PROK2: variants seen among roughly 807,000 people sequenced by gnomAD.
The protein encoded by PROK2 is prokineticin 2.
Under a neutral mutation model 14.2 loss-of-function variants are expected in PROK2, and 8 were observed. That is an observed-to-expected ratio of 0.56 (90% CI 0.33 to 1.02). The LOEUF is 1.02. Among genes scored for constraint, PROK2 ranks in the 50% least tolerant of loss-of-function variants. The pLI is 0.03. For synonymous variants in PROK2, 59 were observed against 60.7 expected (o/e 0.97, Z 0.13); for missense variants, 154 against 160.4 (o/e 0.96, Z 0.22).
In PROK2 at chr3:71,781,535, C is replaced by A. The variant is rs868055794; in HGVS notation, c.154G>T (p.Val52Phe). The A allele has an allele frequency of 1.9e-6, 3 of 1,613,226 alleles. No homozygotes were observed. Among genetic ancestry groups the A allele is most frequent in the Non-Finnish European group, 2.5e-6 (3 of 1,179,232 alleles). ...GGTGTGCAAATCCTTATGCTCTTGA[C>A]CCAGATACTGACAGCACAGCACATG... ...GGMCCAVSIW[V>F]KSIRICTPMG... Residue 52 changes from valine (V) to phenylalanine (F), a missense_variant, in exon 2 of 4, where the codon GTC becomes TTC. By Grantham distance (50) the Val-to-Phe change is conservative (BLOSUM62 -1). Coordinates refer to ENST00000295619, the MANE Select transcript of PROK2 (RefSeq NM_001126128.2).
chr3:71,784,872 C>T (rs2050199521), intron 1 of PROK2, 85 bp downstream of exon 1: 1 of 1,128,894 alleles, frequency 8.9e-7, no homozygotes, highest in Admixed American at 4.3e-5. Context: ...TGCCTCTAGC[C>T]TGCCCTTCAG....
chr3:71,778,174 G>T (rs1368552787), intron 2 of PROK2, among the ~76,000 whole-genome samples: 1 of 151,866 alleles, frequency 6.6e-6, no homozygotes, highest in Admixed American at 6.6e-5. Context: ...TCCAGCCTGG[G>T]TGACAAAGCG....
At chr3:71,780,683 A>G (rs937624801) in intron 2 of PROK2, among the ~76,000 whole-genome samples, 4 of 152,272 alleles carry the variant, frequency 2.6e-5, no homozygotes, top group South Asian at 2.1e-4. Context: ...ACTGTGTTTC[A>G]AAGGTTTTCA....
chr3:71,781,800 G>A (rs917514363), intron 1 of PROK2, among the ~76,000 whole-genome samples: 1 of 152,006 alleles, frequency 6.6e-6, no homozygotes, highest in African/African-American at 2.4e-5. Context: ...TTTCGAAAGT[G>A]GGCTAAATTC....
intron 2 of PROK2, among the ~76,000 whole-genome samples, chr3:71,778,644 T>A (rs1311198066): frequency 1.3e-5 from 2 of 152,228 alleles, no homozygotes; most frequent in Non-Finnish European, 2.9e-5. Context: ...CTTCAGAGCA[T>A]AATTGAATAC....
chr3:71,772,322 C>A lies in PROK2; in HGVS notation c.*402G>T. The A allele has an allele frequency of 5.4e-6, 1 of 185,710 alleles. No homozygotes were observed. Among genetic ancestry groups the A allele is most frequent in the East Asian group, 1.6e-4 (1 of 6,276 alleles). 11.5% of individuals were successfully genotyped at this position (185,710 alleles called of 1,614,324 possible). A position where few individuals can be genotyped will look rare whatever the true frequency, so the allele number is the denominator to read the frequency against. ...GGTGGAAGAGGCAAGGGACCAAAAGCTGTAGGTGTATTTGTGTGGCAGGGC... is the reference window on the plus strand; with the variant it reads ...GGTGGAAGAGGCAAGGGACCAAAAGATGTAGGTGTATTTGTGTGGCAGGGC... On this transcript the variant is annotated 3_prime_UTR_variant, in exon 4 of 4. Coordinates refer to ENST00000295619, the MANE Select transcript of PROK2 (RefSeq NM_001126128.2).
At chr3:71,775,081 T>A (rs1260657159) in intron 2 of PROK2, among the ~76,000 whole-genome samples, 1 of 152,104 alleles carries the variant, frequency 6.6e-6, no homozygotes, top group Non-Finnish European at 1.5e-5. Context: ...GCTAAACATT[T>A]TACAATGCAC....
chr3:71,774,573 G>A (rs1490784867), intron 2 of PROK2, 66 bp from the exon 3 acceptor site: 2 of 1,528,266 alleles, frequency 1.3e-6, no homozygotes, highest in African/African-American at 2.8e-5. Flanking sequence ...GCAATGGGAG[G>A]GCAGGGTATG....
rs144324832 is a variant in PROK2, at chr3:71,773,755, G to A, written c.285+690C>T. ...GAAATTGAGTAGCAGTGAAAGGTCTGCTTCATTCGAGAGTCACTCTAAGAG... is the reference window on the plus strand; with the variant it reads ...GAAATTGAGTAGCAGTGAAAGGTCTACTTCATTCGAGAGTCACTCTAAGAG... On this transcript the variant is annotated intron_variant, in intron 3 of 3. Transcript: ENST00000295619. Among the ~76,000 whole-genome samples, 20 of 152,368 alleles carry A rather than the reference G, an allele frequency of 1.3e-4. 1 individual carries two copies. Among genetic ancestry groups the A allele is most frequent in the African/African-American group, 4.6e-4 (19 of 41,588 alleles).
intron 3 of PROK2, among the ~76,000 whole-genome samples, chr3:71,774,154 T>G (rs1578408235): frequency 6.6e-6 from 1 of 152,172 alleles, no homozygotes; most frequent in Non-Finnish European, 1.5e-5. Context: ...ATCATTCTAG[T>G]GTATTTCTTA....
intron 3 of PROK2, among the ~76,000 whole-genome samples, chr3:71,773,308 T>C (rs978148214): frequency 2.6e-5 from 4 of 152,232 alleles, no homozygotes; most frequent in Non-Finnish European, 4.4e-5. Flanking sequence ...TGTTATCCTT[T>C]CCCATTCTTA....
Position 71,785,095 on chromosome 3 carries a change from G to T in PROK2, c.-43C>A. 8.4e-7 allele frequency: 1 copy of T among 1,185,998 alleles called. No individual in the cohort carries two copies. The highest frequency in any genetic ancestry group is 4.3e-5 in the South Asian group (1 of 23,484). The allele number at this position is 1,185,998 out of a possible 1,614,324, so 73.5% of individuals were successfully genotyped here. A position where few individuals can be genotyped will look rare whatever the true frequency, so the allele number is the denominator to read the frequency against. ...GCGGCCGCCGGAGGCAGTTGGGGGC[G>T]CGGGGCCCGGGTGCGCTGGGTGGAG... is the stretch of plus-strand genomic sequence containing the variant. On this transcript the variant is annotated 5_prime_UTR_variant, in exon 1 of 4. Transcript: ENST00000295619.
intron 2 of PROK2, among the ~76,000 whole-genome samples, chr3:71,779,432 A>G (rs2050144926): frequency 6.6e-6 from 1 of 152,238 alleles, no homozygotes; most frequent in South Asian, 2.1e-4. Context: ...CATATACAAC[A>G]TTTAATATAG....
At chr3:71,775,940 G>C (rs898308076) in intron 2 of PROK2, among the ~76,000 whole-genome samples, 22 of 152,048 alleles carry the variant, frequency 1.4e-4, no homozygotes, top group African/African-American at 5.3e-4. Flanking sequence ...AGATCCCAAG[G>C]CTCCCCTCAC....
intron 1 of PROK2, among the ~76,000 whole-genome samples, chr3:71,782,478 G>T (rs1257229928): frequency 6.6e-6 from 1 of 152,134 alleles, no homozygotes. Flanking sequence ...CTAGTAAATA[G>T]AAATAAATAA....
intron 2 of PROK2, among the ~76,000 whole-genome samples, chr3:71,775,778 A>C (rs936256695): frequency 1.3e-5 from 2 of 152,170 alleles, no homozygotes; most frequent in African/African-American, 4.8e-5. Flanking sequence ...GACTCTCTAA[A>C]GGGGGGACCA....
intron 2 of PROK2, among the ~76,000 whole-genome samples, chr3:71,776,511 G>A (rs777563156): frequency 2.6e-5 from 4 of 151,616 alleles, no homozygotes; most frequent in Non-Finnish European, 5.9e-5. Flanking sequence ...CCACGTAGCT[G>A]GGACTACAGG....
chr3:71,785,142 G>A lies in PROK2; in HGVS notation c.-90C>T. The A allele has an allele frequency of 1.1e-6, 1 of 887,946 alleles. No individual in the cohort carries two copies. Among genetic ancestry groups the A allele is most frequent in the Non-Finnish European group, 1.5e-6 (1 of 685,286 alleles). 55.0% of individuals were successfully genotyped at this position (887,946 alleles called of 1,614,324 possible). A position where few individuals can be genotyped will look rare whatever the true frequency, so the allele number is the denominator to read the frequency against. ...GGAGCGCGGAGCGGCGGGCGGACGG[G>A]CGCGGCGGCTCCCGCGAGCCTCCGG... On this transcript the variant is annotated 5_prime_UTR_variant, in exon 1 of 4. Coordinates refer to ENST00000295619, the MANE Select transcript of PROK2 (RefSeq NM_001126128.2).
chr3:71,785,142 G>T lies in PROK2; in HGVS notation c.-90C>A. On this transcript the variant is annotated 5_prime_UTR_variant, in exon 1 of 4. Coordinates refer to ENST00000295619, the MANE Select transcript of PROK2 (RefSeq NM_001126128.2). The stretch of plus-strand genomic sequence containing the variant: ...GGAGCGCGGAGCGGCGGGCGGACGG[G>T]CGCGGCGGCTCCCGCGAGCCTCCGG... 2.3e-6 allele frequency: 2 copies of T among 887,944 alleles called. No homozygotes were observed. The highest frequency in any genetic ancestry group is 2.9e-6 in the Non-Finnish European group (2 of 685,284). 55.0% of individuals were successfully genotyped at this position (887,944 alleles called of 1,614,324 possible). A position where few individuals can be genotyped will look rare whatever the true frequency, so the allele number is the denominator to read the frequency against.
Sources: allele counts gnomAD v4.1 joint callset (sites outside exome capture counted in the v4.1 genomes callset), GRCh38; gene constraint gnomAD v4.1.1; transcripts MANE v1.5; gene names NCBI Gene and HGNC (gene_info 2026-07-23, HGNC 2026-07-21).